The following SLC4A10 variants were observed in gnomAD, a reference collection of about 807,000 sequenced individuals.
The protein encoded by SLC4A10 is solute carrier family 4 member 10, also known as sodium-driven chloride bicarbonate exchanger.
SLC4A10 carries 42 observed loss-of-function variants against 137.7 expected under a neutral mutation model. The observed-to-expected ratio is 0.30, with a 90% CI of 0.24 to 0.39. The LOEUF is 0.39. SLC4A10 is among the 10% of genes least tolerant of loss of function. The probability of loss-of-function intolerance (pLI) is 1.00; values close to 1 mark genes in which losing one functional copy is unlikely to be tolerated. For synonymous variants in SLC4A10, 474 were observed against 464.1 expected, an observed-to-expected ratio of 1.02 and a Z score of -0.27; for missense variants, 925 against 1,355.0, an observed-to-expected ratio of 0.68 and a Z score of 4.98.
intron 15 of SLC4A10, among the ~76,000 whole-genome samples, chr2:161,929,687 G>A (rs570144453): frequency 2.6e-5 from 4 of 152,144 alleles, no homozygotes; most frequent in Non-Finnish European, 4.4e-5. Context: ...TAGCATTTGG[G>A]CCCTCCCCTT....
At chr2:161,795,755 C>T (rs71424717) in intron 2 of SLC4A10, among the ~76,000 whole-genome samples, 5,086 of 151,876 alleles carry the variant, frequency 0.033, 107 homozygotes, top group African/African-American at 0.048. Flanking sequence ...TAGATTGCAG[C>T]GATTTTGTGA....
intron 26 of SLC4A10, 31 bp downstream of exon 26, chr2:161,977,791 GGTTGCATTTCCTTAT>G: frequency 1.9e-6 from 3 of 1,556,744 alleles, no homozygotes; most frequent in Non-Finnish European, 2.6e-6. Context: ...TCTATTCCTT[GGTTGCATTTCCTTAT>G]GTTAAATGGT....
At chr2:161,868,770 T>C (rs555844733) in intron 6 of SLC4A10, among the ~76,000 whole-genome samples, 18 of 151,804 alleles carry the variant, frequency 1.2e-4, no homozygotes, top group African/African-American at 4.3e-4. Flanking sequence ...TACGTTTAAA[T>C]AGTCACAGAT....
intron 2 of SLC4A10, among the ~76,000 whole-genome samples, chr2:161,782,297 A>C (rs2053122614): frequency 6.6e-6 from 1 of 152,096 alleles, no homozygotes; most frequent in Non-Finnish European, 1.5e-5. Context: ...GGCTACAAGA[A>C]ATACACAAGC....
At chr2:161,750,198 A>G (rs1014872880) in intron 1 of SLC4A10, among the ~76,000 whole-genome samples, 5 of 151,524 alleles carry the variant, frequency 3.3e-5, no homozygotes, top group African/African-American at 9.7e-5. Context: ...TCAAGAAACC[A>G]CTTTTAGTTC....
At chr2:161,779,580 T>C (rs1479077066) in intron 2 of SLC4A10, among the ~76,000 whole-genome samples, 1 of 151,910 alleles carries the variant, frequency 6.6e-6, no homozygotes, top group Non-Finnish European at 1.5e-5. Context: ...CCAAATATAA[T>C]AAGTGCACAT....
chr2:161,717,858 G>A (rs564858420), intron 1 of SLC4A10, among the ~76,000 whole-genome samples: 1 of 152,254 alleles, frequency 6.6e-6, no homozygotes, highest in South Asian at 2.1e-4. Flanking sequence ...AATAGTTTCA[G>A]AAGAAATGGT....
intron 1 of SLC4A10, among the ~76,000 whole-genome samples, chr2:161,745,927 A>T (rs987711037): frequency 2.6e-5 from 4 of 152,046 alleles, no homozygotes; most frequent in African/African-American, 9.7e-5. Context: ...CCCACAAACA[A>T]ATGGAGTTTC....
intron 21 of SLC4A10, among the ~76,000 whole-genome samples, chr2:161,963,303 A>T (rs1318235256): frequency 6.6e-6 from 1 of 152,154 alleles, no homozygotes; most frequent in Admixed American, 6.6e-5. Context: ...CAATAGTGTT[A>T]TGTAATACTA....
intron 15 of SLC4A10, among the ~76,000 whole-genome samples, chr2:161,923,649 G>T (rs997410606): frequency 2.0e-5 from 3 of 151,032 alleles, no homozygotes; most frequent in Non-Finnish European, 4.4e-5. Context: ...ACAGGAAGGG[G>T]AACATCACAC....
chr2:161,657,379 A>G (rs562387503), intron 1 of SLC4A10, among the ~76,000 whole-genome samples: 2 of 152,194 alleles, frequency 1.3e-5, no homozygotes, highest in African/African-American at 4.8e-5. Context: ...CTACTACACC[A>G]TGTAAAATTC....
At chr2:161,683,036 A>G (rs2041030269) in intron 1 of SLC4A10, among the ~76,000 whole-genome samples, 1 of 152,054 alleles carries the variant, frequency 6.6e-6, no homozygotes. Context: ...AAAATACTAC[A>G]TTTTTTGCTT....
intron 3 of SLC4A10, among the ~76,000 whole-genome samples, chr2:161,821,376 T>C (rs1185237299): frequency 6.6e-6 from 1 of 152,250 alleles, no homozygotes; most frequent in Non-Finnish European, 1.5e-5. Flanking sequence ...TGATCTTCCA[T>C]AATCTTGGCT....
At chr2:161,678,539 T>A (rs2040507174) in intron 1 of SLC4A10, among the ~76,000 whole-genome samples, 1 of 152,208 alleles carries the variant, frequency 6.6e-6, no homozygotes, top group African/African-American at 2.4e-5. Flanking sequence ...TGTTCACATA[T>A]ACATATGCCT....
At chr2:161,730,584 C>T (rs953428476) in intron 1 of SLC4A10, among the ~76,000 whole-genome samples, 5 of 152,168 alleles carry the variant, frequency 3.3e-5, no homozygotes, top group Non-Finnish European at 2.9e-5. Flanking sequence ...AAAATAGAGC[C>T]GACTTCCTTG....
At chr2:161,759,645 T>G (rs2050036552) in intron 1 of SLC4A10, among the ~76,000 whole-genome samples, 1 of 152,014 alleles carries the variant, frequency 6.6e-6, no homozygotes, top group South Asian at 2.1e-4. Context: ...CATTTTTATG[T>G]CATCTTTGGA....
At chr2:161,741,010 T>C (rs1303859328) in intron 1 of SLC4A10, among the ~76,000 whole-genome samples, 1 of 152,126 alleles carries the variant, frequency 6.6e-6, no homozygotes, top group Non-Finnish European at 1.5e-5. Flanking sequence ...CCAGGTACAA[T>C]GGCTCACACC....
chr2:161,842,910 C>T (rs1302118650), intron 4 of SLC4A10, among the ~76,000 whole-genome samples: 5 of 152,034 alleles, frequency 3.3e-5, no homozygotes, highest in Non-Finnish European at 7.4e-5. Flanking sequence ...ATCTGTCTGC[C>T]ACGAGTTACA....
chr2:161,860,009 T>G (rs1025372921), intron 5 of SLC4A10, among the ~76,000 whole-genome samples: 1 of 152,242 alleles, frequency 6.6e-6, no homozygotes, highest in Non-Finnish European at 1.5e-5. Flanking sequence ...TCCGTTATTC[T>G]TTCACACTTT....
Sources: gnomAD v4.1 joint callset for allele counts (sites outside exome capture counted in the v4.1 genomes callset) on GRCh38, gnomAD v4.1.1 for gene constraint, MANE v1.5 for transcripts, NCBI Gene and HGNC (gene_info 2026-07-23, HGNC 2026-07-21) for gene names.